The following NCAM1 variants were observed in gnomAD, a reference collection of about 807,000 sequenced individuals.
The protein encoded by NCAM1 is neural cell adhesion molecule 1, also known as antigen recognized by monoclonal antibody 5.1H11.
NCAM1 carries 14 observed loss-of-function variants against 109.8 expected under a neutral mutation model. The observed-to-expected ratio is 0.13, with a 90% CI of 0.08 to 0.20. The LOEUF (loss-of-function observed/expected upper bound fraction) is 0.20. Among genes scored for constraint, NCAM1 ranks in the 10% least tolerant of loss-of-function variants. The pLI is 1.00. For synonymous variants in NCAM1, 418 were observed against 442.9 expected (o/e 0.94, Z 0.70); for missense variants, 774 against 1,109.9 (o/e 0.70, Z 4.30).
chr11:112,981,755 A>G (rs1252364410), intron 1 of NCAM1, among the ~76,000 whole-genome samples: 3 of 152,036 alleles, frequency 2.0e-5, no homozygotes, highest in South Asian at 2.1e-4. Flanking sequence ...AGAATCTTTG[A>G]AAGTTCATCT....
intron 4 of NCAM1, 75 bp downstream of exon 4, chr11:113,205,741 G>A (rs1041227886): frequency 3.3e-6 from 5 of 1,531,018 alleles, no homozygotes; most frequent in Non-Finnish European, 4.4e-6. Flanking sequence ...CTGTACTGAG[G>A]CATTCCAGTC....
intron 1 of NCAM1, among the ~76,000 whole-genome samples, chr11:112,988,190 C>G (rs978063095): frequency 5.3e-5 from 8 of 152,130 alleles, no homozygotes; most frequent in African/African-American, 1.7e-4. Flanking sequence ...CACCTCCCAG[C>G]CTTATTTTAC....
intron 1 of NCAM1, among the ~76,000 whole-genome samples, chr11:113,148,224 C>T (rs1555101696): frequency 6.6e-6 from 1 of 152,138 alleles, no homozygotes; most frequent in African/African-American, 2.4e-5. Context: ...CCAGCAGCCG[C>T]TTCCATCTCT....
At chr11:113,054,210 G>A (rs149470317) in intron 1 of NCAM1, among the ~76,000 whole-genome samples, 2 of 152,350 alleles carry the variant, frequency 1.3e-5, no homozygotes, top group African/African-American at 4.8e-5. Context: ...TTTTTGGTGA[G>A]AGACTGAGGC....
At chr11:112,986,447 T>G (rs1393052896) in intron 1 of NCAM1, among the ~76,000 whole-genome samples, 1 of 152,016 alleles carries the variant, frequency 6.6e-6, no homozygotes, top group Non-Finnish European at 1.5e-5. Flanking sequence ...GAAGTGTTCC[T>G]TCCTCTTTAA....
At chr11:113,237,376 T>C (rs1591446883) in intron 14 of NCAM1, among the ~76,000 whole-genome samples, 1 of 152,230 alleles carries the variant, frequency 6.6e-6, no homozygotes, top group Non-Finnish European at 1.5e-5. Flanking sequence ...TATTCAGAAA[T>C]ATTGCAGCAA....
intron 1 of NCAM1, among the ~76,000 whole-genome samples, chr11:113,102,147 A>AT (rs1168232092): frequency 1.3e-5 from 2 of 152,162 alleles, no homozygotes; most frequent in African/African-American, 4.8e-5. Context: ...TAATCATTAC[A>AT]TTTTTTAGTC....
chr11:113,027,436 C>T (rs1952581198), intron 1 of NCAM1, among the ~76,000 whole-genome samples: 1 of 152,168 alleles, frequency 6.6e-6, no homozygotes, highest in African/African-American at 2.4e-5. Context: ...TGATGAGTCT[C>T]AGTACAGGTA....
intron 1 of NCAM1, among the ~76,000 whole-genome samples, chr11:113,069,098 A>T (rs1938132124): frequency 6.6e-6 from 1 of 152,142 alleles, no homozygotes; most frequent in South Asian, 2.1e-4. Flanking sequence ...ATGAGTAGGA[A>T]GTGGGCCCTG....
At chr11:113,113,272 A>C (rs1461604079) in intron 1 of NCAM1, among the ~76,000 whole-genome samples, 1 of 152,106 alleles carries the variant, frequency 6.6e-6, no homozygotes, top group Non-Finnish European at 1.5e-5. Flanking sequence ...AAACCCATAG[A>C]TTATTTTGGG....
At chr11:113,247,491 C>T (rs1171059698) in intron 15 of NCAM1, among the ~76,000 whole-genome samples, 2 of 152,118 alleles carry the variant, frequency 1.3e-5, no homozygotes, top group Admixed American at 6.5e-5. Context: ...TCTTGTGTTT[C>T]GTTCTCCTCC....
At chr11:113,240,734 A>T in intron 14 of NCAM1, 1 of 1,560,484 alleles carries the variant, frequency 6.4e-7, no homozygotes, top group Non-Finnish European at 8.8e-7. Flanking sequence ...TTCATTCAGT[A>T]TCTGTGTGCC....
At chr11:113,064,978 G>A (rs1292643009) in intron 1 of NCAM1, among the ~76,000 whole-genome samples, 1 of 152,134 alleles carries the variant, frequency 6.6e-6, no homozygotes, top group African/African-American at 2.4e-5. Flanking sequence ...GTAGCAACAA[G>A]CACATCTAGC....
chr11:112,964,941 T>C (rs1449860531), intron 1 of NCAM1, among the ~76,000 whole-genome samples: 1 of 152,228 alleles, frequency 6.6e-6, no homozygotes, highest in Non-Finnish European at 1.5e-5. Context: ...TATAAAGGTC[T>C]TAAAGATCTG....
intron 1 of NCAM1, among the ~76,000 whole-genome samples, chr11:113,163,324 C>T (rs1942667358): frequency 6.6e-6 from 1 of 152,224 alleles, no homozygotes; most frequent in African/African-American, 2.4e-5. Flanking sequence ...TGCTGTTTTG[C>T]ATCAGTATTG....
intron 1 of NCAM1, among the ~76,000 whole-genome samples, chr11:112,967,960 T>C (rs1404507243): frequency 2.0e-5 from 3 of 152,200 alleles, no homozygotes; most frequent in African/African-American, 4.8e-5. Flanking sequence ...GTTGAATACA[T>C]GACCATGAGA....
At position 113,232,297 on chromosome 11, in the gene NCAM1, A is replaced by C; in HGVS notation, c.1368A>C (p.Pro456=). ...ISWFRDGQLL[P]SSNYSNIKIY... The stretch of plus-strand genomic sequence containing the variant: ...GGTTTCGGGATGGCCAGCTGCTGCC[A>C]AGCTCCAATTACAGCAATATCAAGA... Residue 456 remains proline (P), a synonymous_variant, in exon 11 of 20, where the codon CCA becomes CCC. Transcript: ENST00000316851. The C allele has an allele frequency of 6.2e-7, 1 of 1,613,756 alleles. No individual in the cohort carries two copies. The highest frequency in any genetic ancestry group is 8.5e-7 in the Non-Finnish European group (1 of 1,179,828).
At chr11:113,234,015 G>A (rs1448973775) in intron 13 of NCAM1, among the ~76,000 whole-genome samples, 4 of 152,114 alleles carry the variant, frequency 2.6e-5, no homozygotes, top group African/African-American at 9.6e-5. Context: ...GAAGTAGGCT[G>A]GGATATCAGT....
Position 113,231,622 on chromosome 11 carries a change from C to T in NCAM1, c.1090-23C>T, listed in dbSNP as rs782696315. 1.0e-5 allele frequency: 16 copies of T among 1,585,418 alleles called. No homozygotes were observed. The East Asian group carries it at 3.1e-4, about 31-fold the overall frequency. On this transcript the variant is annotated intron_variant, in intron 9 of 19. Coordinates refer to ENST00000316851, the MANE Select transcript of NCAM1 (RefSeq NM_181351.5). ...ACCCTGCCTTGGGCTCTGACATGCTCCCTTCCCCCCCACCCCCGGCAGACT... is the reference window on the plus strand; with the variant it reads ...ACCCTGCCTTGGGCTCTGACATGCTTCCTTCCCCCCCACCCCCGGCAGACT...
Sources: allele counts gnomAD v4.1 joint callset (sites outside exome capture counted in the v4.1 genomes callset), GRCh38; gene constraint gnomAD v4.1.1; transcripts MANE v1.5; gene names NCBI Gene and HGNC (gene_info 2026-07-23, HGNC 2026-07-21).